The following TRMT1L variants were observed in gnomAD, a reference collection of about 807,000 sequenced individuals.
The protein encoded by TRMT1L is tRNA (guanine(27)-N(2))-dimethyltransferase.
Under a neutral mutation model 81.6 loss-of-function variants are expected in TRMT1L, and 28 were observed. The ratio of observed to expected loss-of-function variants is 0.34; its 90% CI spans 0.25 to 0.47. The LOEUF (loss-of-function observed/expected upper bound fraction) is 0.47. TRMT1L is among the 20% of genes least tolerant of loss of function. TRMT1L has a pLI of 1.00. For missense variants in TRMT1L, 739 were observed against 877.1 expected, an observed-to-expected ratio of 0.84 and a Z score of 1.99; for synonymous variants, 301 against 303.2, an observed-to-expected ratio of 0.99 and a Z score of 0.07.
chr1:185,138,479 G>A (rs994838463), intron 9 of TRMT1L, among the ~76,000 whole-genome samples: 4 of 152,058 alleles, frequency 2.6e-5, no homozygotes, highest in African/African-American at 4.8e-5. Flanking sequence ...TTATCCTGAG[G>A]TAGAAATTTC....
Position 185,140,100 on chromosome 1 carries a change from C to T in TRMT1L, c.982G>A (p.Val328Met). The change falls in exon 8 of 15, where the codon GTG becomes ATG. Residue 328 changes from valine to methionine, a missense_variant. Coordinates refer to ENST00000367506, the MANE Select transcript of TRMT1L (RefSeq NM_030934.5). ...ENCHLNKLKV[V>M]VDSKEKEKSD... ...TTTTCCTTTTCCTTACTGTCCACCACCACTTTCAATTTGTTTAAATGGCAG... is the reference window on the plus strand; with the variant it reads ...TTTTCCTTTTCCTTACTGTCCACCATCACTTTCAATTTGTTTAAATGGCAG... 6.2e-7 allele frequency: 1 copy of T among 1,613,832 alleles called. No individual in the cohort carries two copies. The highest frequency in any genetic ancestry group is 8.5e-7 in the Non-Finnish European group (1 of 1,179,868).
intron 10 of TRMT1L, among the ~76,000 whole-genome samples, chr1:185,132,604 A>T (rs1236518733): frequency 6.6e-6 from 1 of 151,942 alleles, no homozygotes; most frequent in East Asian, 1.9e-4. Context: ...GAATTTAAAA[A>T]GATGAACTCA....
chr1:185,141,852 A>G (rs1653059726), intron 7 of TRMT1L, among the ~76,000 whole-genome samples: 1 of 152,214 alleles, frequency 6.6e-6, no homozygotes, highest in Non-Finnish European at 1.5e-5. Flanking sequence ...TGATTGATAA[A>G]TAACATTAAT....
At chr1:185,123,177 G>A (rs1652541336) in intron 13 of TRMT1L, among the ~76,000 whole-genome samples, 1 of 152,094 alleles carries the variant, frequency 6.6e-6, no homozygotes, top group Non-Finnish European at 1.5e-5. Flanking sequence ...TGTCTTTGAA[G>A]GTCAACATTA....
intron 12 of TRMT1L, among the ~76,000 whole-genome samples, chr1:185,124,482 G>A (rs1360319191): frequency 6.6e-6 from 1 of 151,900 alleles, no homozygotes; most frequent in East Asian, 1.9e-4. Context: ...AGGACTGCTT[G>A]AGCCCAGGAG....
intron 13 of TRMT1L, among the ~76,000 whole-genome samples, chr1:185,122,974 T>C (rs1652536867): frequency 6.6e-6 from 1 of 152,252 alleles, no homozygotes; most frequent in East Asian, 1.9e-4. Flanking sequence ...CATGAGCCAC[T>C]ATGCCCAGCA....
chr1:185,144,762 G>C (rs1355433626), intron 5 of TRMT1L, among the ~76,000 whole-genome samples: 1 of 151,888 alleles, frequency 6.6e-6, no homozygotes, highest in Non-Finnish European at 1.5e-5. Flanking sequence ...TTTCTAAAAT[G>C]CAAAATAATA....
chr1:185,156,115 A>C (rs1460306763), intron 1 of TRMT1L, among the ~76,000 whole-genome samples: 3 of 152,228 alleles, frequency 2.0e-5, no homozygotes, highest in Admixed American at 2.0e-4. Context: ...CATTTGAAAG[A>C]ACTTAGTTAA....
intron 13 of TRMT1L, among the ~76,000 whole-genome samples, chr1:185,122,042 G>T (rs1387052942): frequency 2.6e-5 from 4 of 152,066 alleles, no homozygotes; most frequent in Non-Finnish European, 5.9e-5. Context: ...ATGGGGCTTT[G>T]GTTTTCTGTT....
intron 1 of TRMT1L, among the ~76,000 whole-genome samples, chr1:185,154,968 G>A (rs1046617683): frequency 1.3e-5 from 2 of 151,912 alleles, no homozygotes; most frequent in Non-Finnish European, 2.9e-5. Flanking sequence ...TTTCAGATAG[G>A]CTATCTTCAT....
In TRMT1L at chr1:185,144,055, C is replaced by A; in HGVS notation, c.656-26G>T. On this transcript the variant is annotated intron_variant, in intron 5 of 14. Coordinates refer to ENST00000367506, the MANE Select transcript of TRMT1L (RefSeq NM_030934.5). The stretch of plus-strand genomic sequence containing the variant: ...CTAAGATGGAAAAAAGAAAAGATTT[C>A]CAGGGAAACACAAAATAATTCTAAA... 3 of 1,552,962 alleles carry A rather than the reference C, an allele frequency of 1.9e-6. No homozygotes were observed. The South Asian group carries it at 3.7e-5, about 19-fold the overall frequency.
Position 185,119,954 on chromosome 1 carries a change from A to G in TRMT1L, c.*65T>C. 6.8e-7 allele frequency: 1 copy of G among 1,467,912 alleles called. No individual in the cohort carries two copies. Among genetic ancestry groups the G allele is most frequent in the Non-Finnish European group, 9.2e-7 (1 of 1,092,700 alleles). 90.9% of individuals were successfully genotyped at this position (1,467,912 alleles called of 1,614,324 possible). A position where few individuals can be genotyped will look rare whatever the true frequency, so the allele number is the denominator to read the frequency against. On this transcript the variant is annotated 3_prime_UTR_variant, in exon 15 of 15. Coordinates refer to ENST00000367506, the MANE Select transcript of TRMT1L (RefSeq NM_030934.5). ...GAATTGAAAGAACAGAAAAAGAACTACAGTTGGTATAGAGAACTATTAGGC... is the reference window on the plus strand; with the variant it reads ...GAATTGAAAGAACAGAAAAAGAACTGCAGTTGGTATAGAGAACTATTAGGC...
intron 10 of TRMT1L, among the ~76,000 whole-genome samples, chr1:185,133,851 A>G (rs1274761817): frequency 6.6e-6 from 1 of 152,258 alleles, no homozygotes; most frequent in East Asian, 1.9e-4. Flanking sequence ...ATGGGATAAT[A>G]AATGTTGTTT....
intron 7 of TRMT1L, among the ~76,000 whole-genome samples, chr1:185,142,157 T>A (rs1030689859): frequency 6.6e-6 from 1 of 152,188 alleles, no homozygotes; most frequent in Non-Finnish European, 1.5e-5. Context: ...CTCATCACTT[T>A]TACCATATTT....
chr1:185,148,490 G>A (rs966987590), intron 3 of TRMT1L, among the ~76,000 whole-genome samples: 3 of 152,108 alleles, frequency 2.0e-5, no homozygotes, highest in Non-Finnish European at 4.4e-5. Context: ...CAACTACTTT[G>A]AAACCTGCTC....
At chr1:185,135,903 A>T (rs987053169) in intron 10 of TRMT1L, among the ~76,000 whole-genome samples, 4 of 152,172 alleles carry the variant, frequency 2.6e-5, no homozygotes, top group African/African-American at 9.7e-5. Context: ...TATTCTACAA[A>T]ATCCAGTTTG....
At position 185,119,219 on chromosome 1, in the gene TRMT1L, T is replaced by C. The variant is rs1454028463; in HGVS notation, c.*800A>G. ...GACAAATTTTACTTCTGAGAGGTAG[T>C]ACAACCAACCAAATGAATACTGTAC... On this transcript the variant is annotated 3_prime_UTR_variant, in exon 15 of 15. Transcript: ENST00000367506. 1 of 152,106 alleles carries C rather than the reference T, an allele frequency of 6.6e-6. No individual in the cohort carries two copies. Among genetic ancestry groups the C allele is most frequent in the Non-Finnish European group, 1.5e-5 (1 of 68,004 alleles). 9.4% of individuals were successfully genotyped at this position (152,106 alleles called of 1,614,324 possible).
At chr1:185,151,322 T>C (rs1483229952) in intron 2 of TRMT1L, among the ~76,000 whole-genome samples, 6 of 152,068 alleles carry the variant, frequency 3.9e-5, no homozygotes, top group East Asian at 1.9e-4. Context: ...TACAGTACAA[T>C]AGAGTATAGG....
At chr1:185,148,519 A>C (rs758260223) in intron 3 of TRMT1L, among the ~76,000 whole-genome samples, 1 of 152,186 alleles carries the variant, frequency 6.6e-6, no homozygotes, top group African/African-American at 2.4e-5. Flanking sequence ...AAAAACTATC[A>C]TATCTTCACC....
Sources: gnomAD v4.1 joint callset for allele counts (sites outside exome capture counted in the v4.1 genomes callset) on GRCh38, gnomAD v4.1.1 for gene constraint, MANE v1.5 for transcripts, NCBI Gene and HGNC (gene_info 2026-07-23, HGNC 2026-07-21) for gene names.